Variants in BNIP3 observed in about 807,000 individuals in gnomAD.
BNIP3 encodes the protein BCL2/adenovirus E1B 19 kDa protein-interacting protein 3.
A neutral mutation model predicts 23.9 loss-of-function variants in BNIP3; 16 were observed. That is an observed-to-expected ratio of 0.67 (90% CI 0.45 to 1.01). The LOEUF is 1.01. BNIP3 is among the 50% of genes least tolerant of loss of function. The pLI, the probability that BNIP3 is intolerant of heterozygous loss-of-function variation, is 0.00. For missense variants in BNIP3, 198 were observed against 248.7 expected (o/e 0.80, Z 1.37); for synonymous variants, 81 against 89.3 (o/e 0.91, Z 0.53).
intron 1 of BNIP3, among the ~76,000 whole-genome samples, chr10:131,979,497 G>GGGTC (rs1180975897): frequency 6.6e-6 from 1 of 152,124 alleles, no homozygotes; most frequent in Non-Finnish European, 1.5e-5. Flanking sequence ...TGAAGACAGT[G>GGGTC]GGTCCTTCAA....
Position 131,970,385 on chromosome 10 carries a change from G to T in BNIP3, c.539+253C>A. 1 of 558,286 alleles carries T rather than the reference G, an allele frequency of 1.8e-6. No individual in the cohort carries two copies. The allele number at this position is 558,286 out of a possible 1,614,324, so 34.6% of individuals were successfully genotyped here. ...ACCTAAGAAGCCCTGCTTTGACTCCGTTTATATTCAGTGAGCAACAGGCAG... is the reference window on the plus strand; with the variant it reads ...ACCTAAGAAGCCCTGCTTTGACTCCTTTTATATTCAGTGAGCAACAGGCAG... On this transcript the variant is annotated intron_variant, in intron 5 of 5. Coordinates refer to ENST00000368636, the MANE Select transcript of BNIP3 (RefSeq NM_004052.4). The surrounding 1 kb of genome is among the most constrained non-coding windows in gnomAD (Gnocchi z 4.1).
chr10:131,979,906 G>A (rs1301137172), intron 1 of BNIP3, among the ~76,000 whole-genome samples: 2 of 152,186 alleles, frequency 1.3e-5, no homozygotes, highest in African/African-American at 4.8e-5. Flanking sequence ...CAGTGAAATC[G>A]GACAGGCAGA....
chr10:131,972,883 G>T (rs1353543305), intron 3 of BNIP3, 151 bp downstream of exon 3: 17 of 724,190 alleles, frequency 2.3e-5, no homozygotes, highest in East Asian at 1.2e-4. Flanking sequence ...CAGTTTCTTG[G>T]TTTTTTTGTT....
At position 131,970,926 on chromosome 10, in the gene BNIP3, G is replaced by A; in HGVS notation, c.327C>T (p.Ile109=). 1 of 1,614,242 alleles carries A rather than the reference G, an allele frequency of 6.2e-7. No homozygotes were observed. ...DIERRKEVES[I]LKKNSDWIWD... ...ATATCCAATCTGAGTTTTTCTTCAA[G>A]ATGCTTTCAACTTCTTTCCTTCTTT... is the stretch of plus-strand genomic sequence containing the variant. The change falls in exon 4 of 6, where the codon ATC becomes ATT. Residue 109 remains isoleucine, a synonymous_variant. Transcript: ENST00000368636. The surrounding 1 kb of genome is among the most constrained non-coding windows in gnomAD (Gnocchi z 4.1).
At chr10:131,977,468 G>C (rs1490404398) in intron 1 of BNIP3, among the ~76,000 whole-genome samples, 1 of 152,212 alleles carries the variant, frequency 6.6e-6, no homozygotes, top group Non-Finnish European at 1.5e-5. Context: ...GAATCCCACA[G>C]ACTTAGTGAT....
intron 1 of BNIP3, among the ~76,000 whole-genome samples, chr10:131,977,446 G>A (rs559363119): frequency 8.5e-5 from 13 of 152,318 alleles, no homozygotes; most frequent in South Asian, 2.1e-4. Context: ...CATCCTCTGC[G>A]CTACTGCAAC....
At chr10:131,971,070 A>G in intron 3 of BNIP3, 100 bp from the exon 4 acceptor site, 2 of 1,071,076 alleles carry the variant, frequency 1.9e-6, no homozygotes, top group Non-Finnish European at 2.8e-6. Flanking sequence ...GCTCAATTCA[A>G]GAGCCCAGAG....
intron 1 of BNIP3, among the ~76,000 whole-genome samples, chr10:131,978,157 C>G (rs2133695581): frequency 6.6e-6 from 1 of 152,246 alleles, no homozygotes; most frequent in East Asian, 1.9e-4. Flanking sequence ...TTTCGCGTCC[C>G]TCTCATGTTC....
rs568547885 is a variant in BNIP3, at chr10:131,970,322, G to A, written c.539+316C>T. On this transcript the variant is annotated intron_variant, in intron 5 of 5. Coordinates refer to ENST00000368636, the MANE Select transcript of BNIP3 (RefSeq NM_004052.4). This position sits in a 1 kb window ranked among gnomAD's most constrained non-coding sequence, Gnocchi z 4.1. Reference sequence around the variant, plus strand: ...TCCCGCCACAGTACTACACAGAAATGAGACTGCTTTCACCTACACACAGGA... The same window carrying A: ...TCCCGCCACAGTACTACACAGAAATAAGACTGCTTTCACCTACACACAGGA... The A allele has an allele frequency of 2.5e-6, 1 of 394,508 alleles. No homozygotes were observed. The highest frequency in any genetic ancestry group is 4.6e-6 in the Non-Finnish European group (1 of 216,546). 24.4% of individuals were successfully genotyped at this position (394,508 alleles called of 1,614,324 possible).
At chr10:131,974,074 A>C in intron 1 of BNIP3, 131 bp from the exon 2 acceptor site, 1 of 1,195,652 alleles carries the variant, frequency 8.4e-7, no homozygotes, top group East Asian at 2.4e-5. Flanking sequence ...CCATCCCTCA[A>C]CCCCGACTTG....
intron 3 of BNIP3, among the ~76,000 whole-genome samples, chr10:131,972,204 C>T (rs2037041387): frequency 1.3e-5 from 2 of 152,144 alleles, no homozygotes; most frequent in Admixed American, 6.5e-5. Context: ...ACTCACTCCG[C>T]TTTCACAACA....
At chr10:131,972,122 T>C (rs2037040488) in intron 3 of BNIP3, among the ~76,000 whole-genome samples, 1 of 152,150 alleles carries the variant, frequency 6.6e-6, no homozygotes, top group Non-Finnish European at 1.5e-5. Flanking sequence ...TCGAACCCTA[T>C]CTGTGCCGGA....
At chr10:131,968,686 A>G in intron 5 of BNIP3, 117 bp from the exon 6 acceptor site, 1 of 768,800 alleles carries the variant, frequency 1.3e-6, no homozygotes, top group Non-Finnish European at 2.1e-6. Flanking sequence ...TGGTGATTTT[A>G]TACCCATTAT....
At position 131,970,540 on chromosome 10, in the gene BNIP3, T is replaced by A; in HGVS notation, c.539+98A>T. On this transcript the variant is annotated intron_variant, in intron 5 of 5. Coordinates refer to ENST00000368636, the MANE Select transcript of BNIP3 (RefSeq NM_004052.4). The surrounding 1 kb of genome is among the most constrained non-coding windows in gnomAD (Gnocchi z 4.1). ...TGAAAATGCACCAAGCTGTAACTGA[T>A]GATCTGGACTTCAGGAAACAGGTTA... The A allele has an allele frequency of 6.8e-7, 1 of 1,460,724 alleles. No individual in the cohort carries two copies. Among genetic ancestry groups the A allele is most frequent in the Non-Finnish European group, 9.2e-7 (1 of 1,084,882 alleles). 90.5% of individuals were successfully genotyped at this position (1,460,724 alleles called of 1,614,324 possible). A position where few individuals can be genotyped will look rare whatever the true frequency, so the allele number is the denominator to read the frequency against.
At chr10:131,977,309 G>C (rs894762359) in intron 1 of BNIP3, among the ~76,000 whole-genome samples, 1 of 152,118 alleles carries the variant, frequency 6.6e-6, no homozygotes, top group South Asian at 2.1e-4. Context: ...AAGCCCCAGG[G>C]GTTTAGGTGC....
At chr10:131,975,040 G>C (rs1407084396) in intron 1 of BNIP3, among the ~76,000 whole-genome samples, 2 of 152,220 alleles carry the variant, frequency 1.3e-5, no homozygotes, top group Non-Finnish European at 2.9e-5. Flanking sequence ...CTGATGTACA[G>C]AAGTTCTTGA....
At position 131,970,404 on chromosome 10, in the gene BNIP3, C is replaced by T. The variant is rs539713832; in HGVS notation, c.539+234G>A. ...GACTCCGTTTATATTCAGTGAGCAA[C>T]AGGCAGACTCGTCAGGCCAGACAGC... is the stretch of plus-strand genomic sequence containing the variant. On this transcript the variant is annotated intron_variant, in intron 5 of 5. Coordinates refer to ENST00000368636, the MANE Select transcript of BNIP3 (RefSeq NM_004052.4). This position sits in a 1 kb window ranked among gnomAD's most constrained non-coding sequence, Gnocchi z 4.1. The T allele has an allele frequency of 2.2e-5, 13 of 593,818 alleles. No individual in the cohort carries two copies. In the African/African-American group the frequency reaches 2.2e-4, roughly 10 times the overall value. 36.8% of individuals were successfully genotyped at this position (593,818 alleles called of 1,614,324 possible).
At chr10:131,973,153 A>G in intron 2 of BNIP3, 35 bp from the exon 3 acceptor site, 1 of 1,595,656 alleles carries the variant, frequency 6.3e-7, no homozygotes, top group Non-Finnish European at 8.6e-7. Context: ...AAAACAGAAC[A>G]TCATGTGAAC....
rs1033616958 is a variant in BNIP3, at chr10:131,976,746, G to A, written c.47-2803C>T. ...CCAGTCCCCTCCCCTCCTAGGAGGG[G>A]CTGCCCTGGGAATTTCTACCTCAAG... On this transcript the variant is annotated intron_variant, in intron 1 of 5. Coordinates refer to ENST00000368636, the MANE Select transcript of BNIP3 (RefSeq NM_004052.4). The surrounding 1 kb of genome is among the most constrained non-coding windows in gnomAD (Gnocchi z 4.3). Among the ~76,000 whole-genome samples the A allele has an allele frequency of 6.6e-6, 1 of 151,926 alleles. No homozygotes were observed.
Sources: allele counts gnomAD v4.1 joint callset (sites outside exome capture counted in the v4.1 genomes callset), GRCh38; gene constraint gnomAD v4.1.1; non-coding constraint Gnocchi (gnomAD v3.1); transcripts MANE v1.5; gene names NCBI Gene and HGNC (gene_info 2026-07-23, HGNC 2026-07-21).